Variants in FAM3C observed in about 807,000 individuals in gnomAD.
The protein encoded by FAM3C is protein FAM3C.
FAM3C carries 15 observed loss-of-function variants against 32.5 expected under a neutral mutation model. The ratio of observed to expected loss-of-function variants is 0.46; its 90% confidence interval spans 0.31 to 0.71. The LOEUF (loss-of-function observed/expected upper bound fraction) is 0.71, where lower values mean the gene tolerates loss of function less well. FAM3C is among the 30% of genes least tolerant of loss of function. FAM3C has a pLI of 0.05. For missense variants in FAM3C, 175 were observed against 274.4 expected, an observed-to-expected ratio of 0.64 and a Z score of 2.56; for synonymous variants, 75 against 86.1, an observed-to-expected ratio of 0.87 and a Z score of 0.72.
intron 5 of FAM3C, among the ~76,000 whole-genome samples, chr7:121,368,934 T>C (rs1194330446): frequency 6.6e-6 from 1 of 151,586 alleles, no homozygotes; most frequent in Non-Finnish European, 1.5e-5. Context: ...GCAGGGCTGG[T>C]ATCACAATTT....
chr7:121,377,137 T>G (rs897518549), intron 3 of FAM3C, among the ~76,000 whole-genome samples: 6 of 152,112 alleles, frequency 3.9e-5, no homozygotes, highest in Admixed American at 1.3e-4. Context: ...TCTCACAAGA[T>G]CTGATGGTTT....
intron 5 of FAM3C, among the ~76,000 whole-genome samples, chr7:121,369,748 C>T (rs117124857): frequency 0.015 from 2,292 of 152,210 alleles, 29 homozygotes; most frequent in Non-Finnish European, 0.025. Context: ...AACCAAAGGT[C>T]AAGAAGGAAG....
intron 1 of FAM3C, among the ~76,000 whole-genome samples, chr7:121,393,242 G>A (rs950795427): frequency 1.3e-5 from 2 of 152,126 alleles, no homozygotes; most frequent in Non-Finnish European, 2.9e-5. Context: ...AGGATCACCT[G>A]AGGGCAGATT....
intron 1 of FAM3C, among the ~76,000 whole-genome samples, chr7:121,395,783 A>G (rs1366602001): frequency 6.6e-6 from 1 of 151,972 alleles, no homozygotes; most frequent in Non-Finnish European, 1.5e-5. Flanking sequence ...CACCTCTCGG[A>G]GCTCTCAGCC....
intron 1 of FAM3C, among the ~76,000 whole-genome samples, chr7:121,394,731 C>T (rs532078619): frequency 6.6e-6 from 1 of 152,106 alleles, no homozygotes; most frequent in Non-Finnish European, 1.5e-5. Flanking sequence ...GGTAAACAGC[C>T]AAGAAACACA....
At chr7:121,356,863 G>T (rs1435206843) in intron 8 of FAM3C, among the ~76,000 whole-genome samples, 4 of 152,096 alleles carry the variant, frequency 2.6e-5, no homozygotes, top group Non-Finnish European at 5.9e-5. Context: ...TGGAAAGTAG[G>T]TATCATTAGA....
intron 8 of FAM3C, among the ~76,000 whole-genome samples, chr7:121,351,952 AT>A (rs1793715496): frequency 6.6e-6 from 1 of 152,124 alleles, no homozygotes; most frequent in Non-Finnish European, 1.5e-5. Context: ...ATGGTCAATG[AT>A]TTTCTCTCCT....
At chr7:121,379,625 T>C (rs929217074) in intron 2 of FAM3C, among the ~76,000 whole-genome samples, 4 of 152,086 alleles carry the variant, frequency 2.6e-5, no homozygotes, top group African/African-American at 9.7e-5. Flanking sequence ...TTGGTACCTA[T>C]CACATATGCT....
At chr7:121,387,170 A>G (rs1250016371) in intron 1 of FAM3C, among the ~76,000 whole-genome samples, 1 of 152,128 alleles carries the variant, frequency 6.6e-6, no homozygotes, top group Non-Finnish European at 1.5e-5. Flanking sequence ...AATTTCATAA[A>G]ATGTTCATGT....
chr7:121,391,497 G>A (rs1406829444), intron 1 of FAM3C, among the ~76,000 whole-genome samples: 1 of 152,176 alleles, frequency 6.6e-6, no homozygotes, highest in Non-Finnish European at 1.5e-5. Context: ...TTTACATACA[G>A]TAGAACTGCT....
At chr7:121,383,331 C>T (rs1169993827) in intron 1 of FAM3C, among the ~76,000 whole-genome samples, 1 of 152,100 alleles carries the variant, frequency 6.6e-6, no homozygotes, top group East Asian at 1.9e-4. Context: ...TGATATTTAG[C>T]TCCAAACCTT....
chr7:121,379,582 A>G (rs1334788090), intron 2 of FAM3C, among the ~76,000 whole-genome samples: 1 of 152,134 alleles, frequency 6.6e-6, no homozygotes, highest in Non-Finnish European at 1.5e-5. Context: ...TAGTACCTTA[A>G]GACAGGCCTT....
chr7:121,392,307 G>A (rs1794592483), intron 1 of FAM3C, among the ~76,000 whole-genome samples: 1 of 152,168 alleles, frequency 6.6e-6, no homozygotes, highest in South Asian at 2.1e-4. Context: ...CATGGCTGGG[G>A]AGGTGTCAGG....
chr7:121,360,378 G>A (rs554706190), intron 7 of FAM3C, among the ~76,000 whole-genome samples: 109 of 151,832 alleles, frequency 7.2e-4, no homozygotes, highest in Non-Finnish European at 1.3e-3. Flanking sequence ...ATATTCCTGG[G>A]GCTAAGTGAA....
intron 8 of FAM3C, 77 bp downstream of exon 8, chr7:121,359,966 G>T (rs569173282): frequency 1.4e-6 from 1 of 728,000 alleles, no homozygotes. Flanking sequence ...CTATGTTACA[G>T]ATTTTTTTTT....
Position 121,381,656 on chromosome 7 carries a change from CCACACACACACACA to C in FAM3C, c.13+1287_13+1300del, listed in dbSNP as rs67277678. On this transcript the variant is annotated intron_variant, in intron 2 of 9. Coordinates refer to ENST00000359943, the MANE Select transcript of FAM3C (RefSeq NM_014888.3). Reference sequence around the variant, plus strand: ...AAGTCCTGCTGTACTCAAAGAACATCCACACACACACACACACACACACACACACACACACGCAT... The same window carrying C: ...AAGTCCTGCTGTACTCAAAGAACATCCACACACACACACACACACACGCAT... 5.6e-5 allele frequency among the ~76,000 whole-genome samples: 8 copies of C among 142,332 alleles called. No individual in the cohort carries two copies. The East Asian group carries it at 8.2e-4, about 15-fold the overall frequency. The allele number at this position is 142,332 out of a possible 152,430, so 93.4% of individuals were successfully genotyped here.
At chr7:121,388,423 T>C (rs1488025062) in intron 1 of FAM3C, among the ~76,000 whole-genome samples, 3 of 152,124 alleles carry the variant, frequency 2.0e-5, no homozygotes, top group Admixed American at 1.3e-4. Context: ...AAAAACAAAA[T>C]TGGGGGTGTG....
chr7:121,393,938 TTATACCAAG>T (rs1302168296), intron 1 of FAM3C, among the ~76,000 whole-genome samples: 3 of 152,208 alleles, frequency 2.0e-5, no homozygotes, highest in African/African-American at 7.2e-5. Flanking sequence ...ACTTTTGCTA[TTATACCAAG>T]GTCGCACAAA....
intron 2 of FAM3C, among the ~76,000 whole-genome samples, chr7:121,381,656 C>CCACACACACA (rs67277678): frequency 0.1 from 14,337 of 142,164 alleles, 818 homozygotes; most frequent in Non-Finnish European, 0.14. Context: ...CAAAGAACAT[C>CCACACACACA]CACACACACA....
Sources: allele counts gnomAD v4.1 joint callset (sites outside exome capture counted in the v4.1 genomes callset), GRCh38; gene constraint gnomAD v4.1.1; transcripts MANE v1.5; gene names NCBI Gene and HGNC (gene_info 2026-07-23, HGNC 2026-07-21).